EVC: variants seen among roughly 807,000 people sequenced by gnomAD.
The protein encoded by EVC is evC complex member EVC.
Under a neutral mutation model 118.9 loss-of-function variants are expected in EVC, and 116 were observed. The observed-to-expected ratio is 0.98, with a 90% CI of 0.84 to 1.14. EVC has a LOEUF of 1.14. EVC is among the 50% of genes most tolerant of loss of function. The pLI is 0.00. For synonymous variants in EVC, 619 were observed against 534.7 expected (o/e 1.16, Z -2.18); for missense variants, 1,401 against 1,246.4 (o/e 1.12, Z -1.87).
At chr4:5,722,583 C>T (rs755991720) in intron 2 of EVC, among the ~76,000 whole-genome samples, 6 of 152,108 alleles carry the variant, frequency 3.9e-5, no homozygotes, top group Non-Finnish European at 7.3e-5. Flanking sequence ...TCATCTCAGC[C>T]GAAAACAAAC....
At chr4:5,763,258 C>T (rs1732347629) in intron 11 of EVC, among the ~76,000 whole-genome samples, 2 of 144,844 alleles carry the variant, frequency 1.4e-5, no homozygotes, top group South Asian at 4.6e-4. Flanking sequence ...TTCCATTGAT[C>T]TATATCTGTT....
chr4:5,755,785 G>T lies in EVC; in HGVS notation c.1465-479G>T, dbSNP rs750916. ...GCTGGCTGGGTCTCCCCCTGCTGATGCCCGGGTTAGCCCAGTCTCCTGCTG... is the reference window on the plus strand; with the variant it reads ...GCTGGCTGGGTCTCCCCCTGCTGATTCCCGGGTTAGCCCAGTCTCCTGCTG... On this transcript the variant is annotated intron_variant, in intron 10 of 20. Coordinates refer to ENST00000264956, the MANE Select transcript of EVC (RefSeq NM_153717.3). The surrounding 1 kb of genome is among the most constrained non-coding windows in gnomAD (Gnocchi z 4.1). Among the ~76,000 whole-genome samples the T allele has an allele frequency of 0.74, 112,815 of 152,048 alleles. 42,455 individuals are homozygous for T. Among genetic ancestry groups the T allele is most frequent in the East Asian group, 0.82 (4,204 of 5,136 alleles).
rs6848370 is a variant in EVC, at chr4:5,813,454, T to G, written c.*2417T>G. 6.6e-6 allele frequency: 1 copy of G among 152,016 alleles called. No individual in the cohort carries two copies. The highest frequency in any genetic ancestry group is 2.4e-5 in the African/African-American group (1 of 41,382). The allele number at this position is 152,016 out of a possible 1,614,324, so 9.4% of individuals were successfully genotyped here. A position where few individuals can be genotyped will look rare whatever the true frequency, so the allele number is the denominator to read the frequency against. ...CGAACTCCTGACCTCATCGTCCACC[T>G]GCCTCGGCCTCCCCAAAGTGCTGAG... On this transcript the variant is annotated 3_prime_UTR_variant, in exon 21 of 21. Coordinates refer to ENST00000264956, the MANE Select transcript of EVC (RefSeq NM_153717.3).
chr4:5,773,019 A>G (rs1217144112), intron 11 of EVC, among the ~76,000 whole-genome samples: 1 of 152,114 alleles, frequency 6.6e-6, no homozygotes, highest in Admixed American at 6.5e-5. Context: ...GCATGTGTGC[A>G]CTGTCCCCTG....
rs751812626 is a variant in EVC at position 5,731,514 on chromosome 4, C to T, written c.474C>T (p.Ser158=). ...LPHQPVEASP[S]SSLGSLSQGE... is the part of the protein sequence containing the mutation. Reference sequence around the variant, plus strand: ...ACCAGCCGGTAGAGGCCTCTCCTTCCAGCAGTCTGGGGAGCCTGAGCCAGG... The same window carrying T: ...ACCAGCCGGTAGAGGCCTCTCCTTCTAGCAGTCTGGGGAGCCTGAGCCAGG... The change falls in exon 4 of 21, where the codon TCC becomes TCT. Residue 158 remains serine (S), a synonymous_variant. Transcript: ENST00000264956. The surrounding 1 kb of genome is among the most constrained non-coding windows in gnomAD (Gnocchi z 5.6). 4.3e-6 allele frequency: 7 copies of T among 1,614,026 alleles called. No homozygotes were observed. Among genetic ancestry groups the T allele is most frequent in the African/African-American group, 2.7e-5 (2 of 74,924 alleles).
chr4:5,757,698 T>G (rs1188565056), intron 11 of EVC, among the ~76,000 whole-genome samples: 1 of 152,184 alleles, frequency 6.6e-6, no homozygotes, highest in African/African-American at 2.4e-5. Flanking sequence ...CCTTTTCTTA[T>G]AAGGACACCA....
chr4:5,785,115 G>C (rs1461181346), intron 12 of EVC, among the ~76,000 whole-genome samples: 1 of 152,272 alleles, frequency 6.6e-6, no homozygotes, highest in East Asian at 1.9e-4. Flanking sequence ...AAAGCAAAGG[G>C]CTTCTGTTTC....
rs767535365 is a variant in EVC at position 5,804,753 on chromosome 4, C to A, written c.2473C>A (p.Leu825Met). 1 of 1,614,160 alleles carries A rather than the reference C, an allele frequency of 6.2e-7. No homozygotes were observed. Among genetic ancestry groups the A allele is most frequent in the Non-Finnish European group, 8.5e-7 (1 of 1,180,038 alleles). The change falls in exon 17 of 21, where the codon CTG becomes ATG. Residue 825 changes from leucine to methionine, a missense_variant. Physicochemically the swap from Leu to Met is conservative, Grantham distance 15 (BLOSUM62 2). Coordinates refer to ENST00000264956, the MANE Select transcript of EVC (RefSeq NM_153717.3). Reference sequence around the variant, plus strand: ...AGGTGAGAGGATGGAAAATTACAAACTGCGGAAAAAGCAAGAACTCAGCAA... The same window carrying A: ...AGGTGAGAGGATGGAAAATTACAAAATGCGGAAAAAGCAAGAACTCAGCAA... ...LQGERMENYK[L>M]RKKQELSNPS... is the part of the protein sequence containing the mutation.
chr4:5,767,372 CCG>C (rs1733078347), intron 11 of EVC, among the ~76,000 whole-genome samples: 1 of 134,580 alleles, frequency 7.4e-6, no homozygotes, highest in South Asian at 2.5e-4. Flanking sequence ...TGCCCTGCCC[CCG>C]GAGATGGAAC....
At chr4:5,817,038 C>G (rs1560462372), downstream of EVC, among the ~76,000 whole-genome samples, 1 of 152,240 alleles carries the variant, frequency 6.6e-6, no homozygotes, top group East Asian at 1.9e-4. Context: ...GAGAAGGAAT[C>G]AGTGAGGCTG....
rs1030208264 is a variant in EVC, at chr4:5,798,077, G to T, written c.2098-509G>T. 6.6e-6 allele frequency among the ~76,000 whole-genome samples: 1 copy of T among 152,150 alleles called. No individual in the cohort carries two copies. The highest frequency in any genetic ancestry group is 1.5e-5 in the Non-Finnish European group (1 of 68,020). On this transcript the variant is annotated intron_variant, in intron 14 of 20. Transcript: ENST00000264956. This position sits in a 1 kb window ranked among gnomAD's most constrained non-coding sequence, Gnocchi z 4.1. Reference sequence around the variant, plus strand: ...TATCCAGGAGAGCTCCGAGGAGCAGGCAGGACTCACGGACCTCGCTACAGC... The same window carrying T: ...TATCCAGGAGAGCTCCGAGGAGCAGTCAGGACTCACGGACCTCGCTACAGC...
chr4:5,825,871 ATC>A, the EVC span: 17,808 of 544,968 alleles, frequency 0.033, 384 homozygotes, highest in African/African-American at 0.053. The surrounding 1 kb of genome is among the most constrained non-coding windows in gnomAD (Gnocchi z 4.4). Flanking sequence ...ATACACACAC[ATC>A]TACATACCCA....
chr4:5,762,691 A>C (rs61516061), intron 11 of EVC, among the ~76,000 whole-genome samples: 48,607 of 140,846 alleles, frequency 0.35, 8,609 homozygotes, highest in Admixed American at 0.44. Context: ...TTGGCTGCAT[A>C]AATGTCTTCT....
chr4:5,768,518 G>A (rs955859716), intron 11 of EVC, among the ~76,000 whole-genome samples: 2 of 152,084 alleles, frequency 1.3e-5, no homozygotes, highest in African/African-American at 2.4e-5. Flanking sequence ...ATAATCTCAC[G>A]TGGGTAAAGC....
At chr4:5,748,072 T>C in intron 7 of EVC, 76 bp from the exon 8 acceptor site, 2 of 1,512,664 alleles carry the variant, frequency 1.3e-6, no homozygotes, top group South Asian at 1.1e-5. Context: ...TGAATTGTAA[T>C]TCCCGAGCAC....
Position 5,811,064 on chromosome 4 carries a change from C to T in EVC, c.*27C>T, listed in dbSNP as rs771942160. Reference sequence around the variant, plus strand: ...TTAAGACCAGTCGGTGGGACAAGACCTGAAGCCCTGGGTCTGGGTGTGAAT... The same window carrying T: ...TTAAGACCAGTCGGTGGGACAAGACTTGAAGCCCTGGGTCTGGGTGTGAAT... On this transcript the variant is annotated 3_prime_UTR_variant, in exon 21 of 21. Transcript: ENST00000264956. The T allele has an allele frequency of 1.3e-5, 21 of 1,580,770 alleles. No individual in the cohort carries two copies. The East Asian group carries it at 3.4e-4, about 26-fold the overall frequency.
At chr4:5,711,934 C>T (rs919839068) in intron 1 of EVC, among the ~76,000 whole-genome samples, 4 of 152,242 alleles carry the variant, frequency 2.6e-5, no homozygotes, top group Non-Finnish European at 5.9e-5. Context: ...GCTTCTGCCT[C>T]TTCCATCCTT....
the EVC span, chr4:5,825,454 G>C: frequency 3.3e-6 from 5 of 1,532,944 alleles, no homozygotes; most frequent in Non-Finnish European, 4.4e-6. This position sits in a 1 kb window ranked among gnomAD's most constrained non-coding sequence, Gnocchi z 4.4. Flanking sequence ...GGCCTGAACT[G>C]CTGCAATTGT....
chr4:5,806,223 G>A (rs773923733), intron 17 of EVC, among the ~76,000 whole-genome samples: 1 of 151,942 alleles, frequency 6.6e-6, no homozygotes, highest in Non-Finnish European at 1.5e-5. Context: ...GGGATTACAG[G>A]CGCGCACCAC....
Sources: allele counts gnomAD v4.1 joint callset (sites outside exome capture counted in the v4.1 genomes callset), GRCh38; gene constraint gnomAD v4.1.1; non-coding constraint Gnocchi (gnomAD v3.1); transcripts MANE v1.5; gene names NCBI Gene and HGNC (gene_info 2026-07-23, HGNC 2026-07-21).